The following VAV3 variants were observed in gnomAD, a reference collection of about 807,000 sequenced individuals.
The protein encoded by VAV3 is vav guanine nucleotide exchange factor 3.
Under a neutral mutation model 131.2 loss-of-function variants are expected in VAV3, and 94 were observed. The observed-to-expected ratio is 0.72, with a 90% confidence interval of 0.61 to 0.85. The LOEUF (loss-of-function observed/expected upper bound fraction) is 0.85, where lower values mean the gene tolerates loss of function less well. Among genes scored for constraint, VAV3 ranks in the 40% least tolerant of loss-of-function variants. The pLI, the probability that VAV3 is intolerant of heterozygous loss-of-function variation, is 0.00. For missense variants in VAV3, 939 were observed against 1,002.7 expected, an observed-to-expected ratio of 0.94 and a Z score of 0.86; for synonymous variants, 349 against 342.0, an observed-to-expected ratio of 1.02 and a Z score of -0.22.
At position 107,866,098 on chromosome 1, in the gene VAV3, C is replaced by T. The variant is rs920661334; in HGVS notation, c.321+8803G>A. ...AAAGGAAGAATCATGGGAAAGGGGC[C>T]AGCTTCTAAAGTCCTAGGATCAAGG... On this transcript the variant is annotated intron_variant, in intron 2 of 26. Coordinates refer to ENST00000370056, the MANE Select transcript of VAV3 (RefSeq NM_006113.5). 3.9e-5 allele frequency among the ~76,000 whole-genome samples: 6 copies of T among 152,216 alleles called. 1 individual carries two copies. In the South Asian group the frequency reaches 6.2e-4, roughly 16 times the overall value.
At position 107,964,780 on chromosome 1, in the gene VAV3, C is replaced by G. The variant is rs1218383672; in HGVS notation, c.90G>C (p.Val30=). 2 of 1,614,094 alleles carry G rather than the reference C, an allele frequency of 1.2e-6. No homozygotes were observed. Among genetic ancestry groups the G allele is most frequent in the South Asian group, 2.2e-5 (2 of 91,074 alleles). Reference sequence around the variant, plus strand: ...CGCGGAGGGTCTGCGCAAGGTCGAACACCTGAGCCGAGTCCCAGGTCACCC... The same window carrying G: ...CGCGGAGGGTCTGCGCAAGGTCGAAGACCTGAGCCGAGTCCCAGGTCACCC... ...NHRVTWDSAQ[V]FDLAQTLRDG... is the part of the protein sequence containing the mutation. The change falls in exon 1 of 27, where the codon GTG becomes GTC. Residue 30 remains valine (V), a synonymous_variant. Transcript: ENST00000370056.
intron 15 of VAV3, among the ~76,000 whole-genome samples, chr1:107,731,299 T>C (rs1352928802): frequency 6.6e-6 from 1 of 152,224 alleles, no homozygotes; most frequent in Non-Finnish European, 1.5e-5. Context: ...CATTGTACCC[T>C]GCCTATAATT....
At chr1:107,861,332 T>C (rs1368254613) in intron 2 of VAV3, among the ~76,000 whole-genome samples, 2 of 151,614 alleles carry the variant, frequency 1.3e-5, no homozygotes, top group African/African-American at 4.8e-5. Flanking sequence ...CTTTCATCAT[T>C]ATACTTCATA....
chr1:107,938,040 G>A (rs72985413), intron 1 of VAV3, among the ~76,000 whole-genome samples: 9,864 of 152,214 alleles, frequency 0.065, 867 homozygotes, highest in African/African-American at 0.2. Flanking sequence ...GTCACACAGA[G>A]CATGTCTGCA....
At chr1:107,770,793 G>C in intron 5 of VAV3, 65 bp from the exon 6 acceptor site, 1 of 1,325,930 alleles carries the variant, frequency 7.5e-7, no homozygotes, top group South Asian at 1.3e-5. Flanking sequence ...TCGGGAAGTA[G>C]AGATCAAAAG....
chr1:107,917,414 T>G (rs1672676782), intron 1 of VAV3, among the ~76,000 whole-genome samples: 1 of 152,182 alleles, frequency 6.6e-6, no homozygotes, highest in African/African-American at 2.4e-5. Flanking sequence ...GAACTAAGAT[T>G]CAACAAGTTA....
Position 107,757,337 on chromosome 1 carries a change from G to A in VAV3, c.1018-8C>T, listed in dbSNP as rs759647476. The A allele has an allele frequency of 6.2e-7, 1 of 1,609,632 alleles. No individual in the cohort carries two copies. Among genetic ancestry groups the A allele is most frequent in the Non-Finnish European group, 8.5e-7 (1 of 1,178,308 alleles). ...GGTATGTTTGACCAGTTCCTATTTG[G>A]AAGATATGGTTTAGTACTACTTTCA... On this transcript the variant is annotated splice_region_variant and splice_polypyrimidine_tract_variant and intron_variant, in intron 10 of 26. Transcript: ENST00000370056.
intron 2 of VAV3, among the ~76,000 whole-genome samples, chr1:107,780,742 C>T (rs568060717): frequency 6.6e-6 from 1 of 152,254 alleles, no homozygotes; most frequent in Non-Finnish European, 1.5e-5. Flanking sequence ...TCTCGGACTC[C>T]TGGCCTCAAG....
intron 2 of VAV3, among the ~76,000 whole-genome samples, chr1:107,855,859 T>C (rs1204741561): frequency 3.3e-5 from 5 of 152,186 alleles, no homozygotes; most frequent in African/African-American, 1.2e-4. Context: ...GAAAAATACC[T>C]GCTGAGTCCA....
intron 19 of VAV3, among the ~76,000 whole-genome samples, chr1:107,645,321 ATT>A (rs60249796): frequency 0.39 from 57,421 of 148,186 alleles, 11,479 homozygotes; most frequent in East Asian, 0.61. Context: ...AATGGAATGT[ATT>A]TTTTTTTTTT....
intron 2 of VAV3, among the ~76,000 whole-genome samples, chr1:107,851,171 CAAAAAA>C (rs35609784): frequency 2.9e-5 from 2 of 68,494 alleles, no homozygotes; most frequent in African/African-American, 1.0e-4. Flanking sequence ...GACTCCGTCT[CAAAAAA>C]AAAAAAAAAA....
intron 19 of VAV3, among the ~76,000 whole-genome samples, chr1:107,659,378 T>C (rs1325142440): frequency 1.3e-5 from 2 of 152,180 alleles, no homozygotes; most frequent in Non-Finnish European, 2.9e-5. Flanking sequence ...TTCACCTTAC[T>C]AAATATATTA....
At chr1:107,748,858 G>T in intron 15 of VAV3, 110 bp downstream of exon 15, 1 of 844,278 alleles carries the variant, frequency 1.2e-6, no homozygotes, top group Non-Finnish European at 1.8e-6. Context: ...TCCCGTCGCT[G>T]TACACATTAT....
intron 1 of VAV3, among the ~76,000 whole-genome samples, chr1:107,930,931 T>C (rs1481700424): frequency 1.3e-5 from 2 of 152,162 alleles, no homozygotes; most frequent in Admixed American, 1.3e-4. Context: ...TATTATAATA[T>C]ATAGAGGAAC....
intron 17 of VAV3, among the ~76,000 whole-genome samples, chr1:107,689,510 CTTTT>C (rs1010705944): frequency 6.7e-6 from 1 of 148,880 alleles, no homozygotes; most frequent in Non-Finnish European, 1.5e-5. Flanking sequence ...TTCTCTCTAG[CTTTT>C]TTTTTTCTTT....
intron 15 of VAV3, among the ~76,000 whole-genome samples, chr1:107,707,781 T>C (rs1031566909): frequency 2.0e-5 from 3 of 152,192 alleles, no homozygotes; most frequent in Non-Finnish European, 2.9e-5. Context: ...TCATACATGG[T>C]CCGTGGCCTG....
chr1:107,634,583 C>T (rs1654758111), intron 20 of VAV3, among the ~76,000 whole-genome samples: 1 of 145,118 alleles, frequency 6.9e-6, no homozygotes, highest in South Asian at 2.3e-4. Context: ...ATGTCTAAAA[C>T]ACCAAAAGCA....
At chr1:107,634,191 T>C (rs1421340992) in intron 20 of VAV3, among the ~76,000 whole-genome samples, 1 of 152,130 alleles carries the variant, frequency 6.6e-6, no homozygotes, top group East Asian at 1.9e-4. Context: ...AGAACAAAGC[T>C]GGAGGCATCA....
intron 20 of VAV3, among the ~76,000 whole-genome samples, chr1:107,638,986 T>C (rs1274881903): frequency 1.3e-5 from 2 of 151,970 alleles, no homozygotes; most frequent in African/African-American, 4.8e-5. Context: ...CACACATATA[T>C]AGTACATATA....
Sources: allele counts gnomAD v4.1 joint callset (sites outside exome capture counted in the v4.1 genomes callset), GRCh38; gene constraint gnomAD v4.1.1; transcripts MANE v1.5; gene names NCBI Gene and HGNC (gene_info 2026-07-23, HGNC 2026-07-21).